The following TAFA4 variants were observed in gnomAD, a reference collection of about 807,000 sequenced individuals.
The protein encoded by TAFA4 is chemokine-like protein TAFA-4.
In TAFA4, 20 loss-of-function variants were observed where a neutral mutation model predicts 21.1. That is an observed-to-expected ratio of 0.95 (90% CI 0.67 to 1.38). The LOEUF (loss-of-function observed/expected upper bound fraction) is 1.38. TAFA4 is among the 40% of genes most tolerant of loss of function. TAFA4 has a pLI of 0.00. For missense variants in TAFA4, 211 were observed against 180.9 expected, an observed-to-expected ratio of 1.17 and a Z score of -0.95; for synonymous variants, 71 against 67.4, an observed-to-expected ratio of 1.05 and a Z score of -0.26.
At chr3:68,837,292 C>T (rs72938864) in intron 3 of TAFA4, among the ~76,000 whole-genome samples, 5,802 of 152,262 alleles carry the variant, frequency 0.038, 378 homozygotes, top group African/African-American at 0.13. Flanking sequence ...TCTGAGGCCC[C>T]ACTCCAGACC....
At chr3:68,802,163 T>C (rs993576614) in intron 3 of TAFA4, among the ~76,000 whole-genome samples, 29 of 152,324 alleles carry the variant, frequency 1.9e-4, no homozygotes, top group African/African-American at 5.5e-4. Flanking sequence ...ACTATTCCAA[T>C]TGATATCACC....
At chr3:68,828,503 C>A (rs1704306265) in intron 3 of TAFA4, among the ~76,000 whole-genome samples, 1 of 152,210 alleles carries the variant, frequency 6.6e-6, no homozygotes, top group African/African-American at 2.4e-5. Flanking sequence ...TTCTTCCTAT[C>A]CGTGAGCATG....
chr3:68,814,700 G>T lies in TAFA4; in HGVS notation c.131-61682C>A, dbSNP rs1221497860. ...CATGGAAGAACATTCCATGCTCATG[G>T]GTAGGAAGAATCAGTATCGTGAAAA... is the stretch of plus-strand genomic sequence containing the variant. On this transcript the variant is annotated intron_variant, in intron 3 of 5. Coordinates refer to ENST00000295569, the MANE Select transcript of TAFA4 (RefSeq NM_182522.5). Among the ~76,000 whole-genome samples, 5 of 152,236 alleles carry T rather than the reference G, an allele frequency of 3.3e-5. No individual in the cohort carries two copies. In the East Asian group the frequency reaches 9.7e-4, roughly 29 times the overall value.
chr3:68,894,774 G>A (rs1477437811), intron 1 of TAFA4, among the ~76,000 whole-genome samples: 5 of 152,176 alleles, frequency 3.3e-5, no homozygotes, highest in African/African-American at 9.7e-5. Flanking sequence ...AAAACTTCCT[G>A]GAAGAGGCAA....
intron 3 of TAFA4, among the ~76,000 whole-genome samples, chr3:68,814,001 G>C (rs1703902953): frequency 1.3e-5 from 2 of 152,184 alleles, no homozygotes; most frequent in African/African-American, 4.8e-5. Context: ...GGGATGCAAG[G>C]CTGGTTCAAC....
chr3:68,830,968 T>G (rs554695298), intron 3 of TAFA4, among the ~76,000 whole-genome samples: 1 of 152,314 alleles, frequency 6.6e-6, no homozygotes, highest in African/African-American at 2.4e-5. Flanking sequence ...CTTCTTATCT[T>G]TGTTGGTTTA....
chr3:68,754,348 C>G (rs904407722), intron 3 of TAFA4, among the ~76,000 whole-genome samples: 1 of 152,198 alleles, frequency 6.6e-6, no homozygotes, highest in African/African-American at 2.4e-5. Context: ...CATTAGCCTC[C>G]TTTATTCAGA....
At chr3:68,907,256 C>A (rs1258639877) in intron 1 of TAFA4, among the ~76,000 whole-genome samples, 1 of 152,000 alleles carries the variant, frequency 6.6e-6, no homozygotes, top group Non-Finnish European at 1.5e-5. Flanking sequence ...GCTTGTTGTC[C>A]AAAGAGAAGG....
At chr3:68,847,871 C>T (rs1487382318) in intron 3 of TAFA4, among the ~76,000 whole-genome samples, 6 of 152,336 alleles carry the variant, frequency 3.9e-5, no homozygotes, top group African/African-American at 1.4e-4. Flanking sequence ...CTGCTTTGAA[C>T]ATGCCCTCCA....
intron 3 of TAFA4, among the ~76,000 whole-genome samples, chr3:68,816,232 G>A (rs1703971740): frequency 6.6e-6 from 1 of 152,070 alleles, no homozygotes; most frequent in South Asian, 2.1e-4. Context: ...GAGTTAATGG[G>A]TGCAGCACAC....
At chr3:68,753,650 A>G (rs1702604231) in intron 3 of TAFA4, among the ~76,000 whole-genome samples, 1 of 152,030 alleles carries the variant, frequency 6.6e-6, no homozygotes, top group African/African-American at 2.4e-5. Flanking sequence ...GGTTGATTTT[A>G]AGAGAGGCAG....
chr3:68,869,218 G>A (rs1054086779), intron 3 of TAFA4, among the ~76,000 whole-genome samples: 3 of 151,892 alleles, frequency 2.0e-5, no homozygotes, highest in Non-Finnish European at 4.4e-5. Flanking sequence ...CAGTCATAAA[G>A]CATCTCCCAT....
chr3:68,743,754 T>TA (rs1436485482), intron 4 of TAFA4, among the ~76,000 whole-genome samples: 1 of 152,084 alleles, frequency 6.6e-6, no homozygotes, highest in Non-Finnish European at 1.5e-5. Flanking sequence ...GTACCACAGA[T>TA]AAAAACCAGA....
intron 1 of TAFA4, among the ~76,000 whole-genome samples, chr3:68,917,800 A>ACCTAGAAC (rs2090019376): frequency 6.6e-6 from 1 of 151,372 alleles, no homozygotes. Context: ...AATGGTATTT[A>ACCTAGAAC]CCTAGAACCA....
chr3:68,775,753 C>G (rs1168425051), intron 3 of TAFA4, among the ~76,000 whole-genome samples: 1 of 152,256 alleles, frequency 6.6e-6, no homozygotes, highest in East Asian at 1.9e-4. Flanking sequence ...TAGCAACAAC[C>G]AAAAACAAAT....
intron 3 of TAFA4, among the ~76,000 whole-genome samples, chr3:68,824,684 T>C (rs1445505643): frequency 6.6e-6 from 1 of 152,166 alleles, no homozygotes; most frequent in East Asian, 1.9e-4. Flanking sequence ...ATACCAGAAA[T>C]TCAGCTTTAT....
chr3:68,924,870 T>C (rs2090092921), intron 1 of TAFA4, among the ~76,000 whole-genome samples: 1 of 152,174 alleles, frequency 6.6e-6, no homozygotes, highest in South Asian at 2.1e-4. Context: ...CCCCACTGCC[T>C]CTCTAACCCC....
chr3:68,755,205 G>A (rs1293353183), intron 3 of TAFA4, among the ~76,000 whole-genome samples: 2 of 152,138 alleles, frequency 1.3e-5, no homozygotes, highest in African/African-American at 4.8e-5. Context: ...CCATCATCCT[G>A]TGATAAAGTA....
intron 3 of TAFA4, among the ~76,000 whole-genome samples, chr3:68,767,646 G>A (rs899986955): frequency 6.6e-6 from 1 of 151,948 alleles, no homozygotes; most frequent in African/African-American, 2.4e-5. Context: ...ACAGAAAGAT[G>A]AGGGAGTTAA....
Sources: gnomAD v4.1 joint callset for allele counts (sites outside exome capture counted in the v4.1 genomes callset) on GRCh38, gnomAD v4.1.1 for gene constraint, MANE v1.5 for transcripts, NCBI Gene and HGNC (gene_info 2026-07-23, HGNC 2026-07-21) for gene names.